DPP6: variants seen among roughly 807,000 people sequenced by gnomAD.
The protein encoded by DPP6 is dipeptidyl peptidase like 6, also known as A-type potassium channel modulatory protein DPP6.
DPP6 carries 69 observed loss-of-function variants against 122.6 expected under a neutral mutation model. That is an observed-to-expected ratio of 0.56 (90% CI 0.46 to 0.69). The LOEUF (loss-of-function observed/expected upper bound fraction) is 0.69. DPP6 is among the 30% of genes least tolerant of loss of function. The pLI is 0.00. For missense variants in DPP6, 928 were observed against 1,116.9 expected (o/e 0.83, Z 2.41); for synonymous variants, 418 against 433.1 (o/e 0.97, Z 0.43).
Position 154,569,632 on chromosome 7 carries a change from T to C in DPP6, c.627+2716T>C, listed in dbSNP as rs140476494. ...TTAAAAAGACTATCATAAAATTGTT[T>C]TAGTGTAAACCAACTGTCCAATTAC... On this transcript the variant is annotated intron_variant, in intron 5 of 25. Transcript: ENST00000377770. 6.2e-4 allele frequency among the ~76,000 whole-genome samples: 95 copies of C among 152,062 alleles called. 1 individual carries two copies. In the East Asian group the frequency reaches 0.017, roughly 27 times the overall value.
At chr7:154,734,629 G>C (rs1368107667) in intron 8 of DPP6, among the ~76,000 whole-genome samples, 1 of 152,194 alleles carries the variant, frequency 6.6e-6, no homozygotes, top group Non-Finnish European at 1.5e-5. Context: ...TGCATGATGG[G>C]AAATGTTTGG....
At chr7:153,895,377 A>G (rs1305020426) in intron 1 of DPP6, among the ~76,000 whole-genome samples, 1 of 152,164 alleles carries the variant, frequency 6.6e-6, no homozygotes, top group Non-Finnish European at 1.5e-5. Flanking sequence ...GGAAATTTGA[A>G]TAGATTGATT....
At chr7:154,847,293 G>A (rs1802017532) in intron 16 of DPP6, among the ~76,000 whole-genome samples, 1 of 152,172 alleles carries the variant, frequency 6.6e-6, no homozygotes, top group South Asian at 2.1e-4. Context: ...TATATGGCAT[G>A]TATATTATTA....
the DPP6 span, among the ~76,000 whole-genome samples, chr7:153,837,837 A>ATTTT: frequency 0.067 from 5,433 of 80,540 alleles, 758 homozygotes; most frequent in African/African-American, 0.21. Context: ...TGCCTGGTTA[A>ATTTT]TTTTTTTTTT....
chr7:153,932,731 T>TAC (rs1801231013), intron 1 of DPP6, among the ~76,000 whole-genome samples: 1 of 152,124 alleles, frequency 6.6e-6, no homozygotes, highest in Non-Finnish European at 1.5e-5. Flanking sequence ...CAATGAACTT[T>TAC]GCACAGGGAT....
chr7:153,884,196 T>G (rs533658043), upstream of DPP6, among the ~76,000 whole-genome samples: 312 of 152,268 alleles, frequency 2.0e-3, 2 homozygotes, highest in South Asian at 3.9e-3. Flanking sequence ...GTGTGTGATG[T>G]TCCCCTTCCT....
chr7:154,204,168 C>A (rs1432699799), intron 1 of DPP6, among the ~76,000 whole-genome samples: 2 of 152,226 alleles, frequency 1.3e-5, no homozygotes, highest in Non-Finnish European at 2.9e-5. Flanking sequence ...TCCACATGAT[C>A]AGTGTCAGGC....
chr7:154,565,665 A>G (rs1267176118), intron 4 of DPP6, among the ~76,000 whole-genome samples: 1 of 152,172 alleles, frequency 6.6e-6, no homozygotes, highest in Non-Finnish European at 1.5e-5. Context: ...AGCTGGGATT[A>G]CAGGCATGCA....
chr7:153,848,238 C>T, the DPP6 span, among the ~76,000 whole-genome samples: 1 of 147,836 alleles, frequency 6.8e-6, no homozygotes, highest in Admixed American at 6.9e-5. Context: ...AACATGGTCG[C>T]CCCCCCACCA....
At chr7:154,339,292 G>T (rs1013872999) in intron 1 of DPP6, among the ~76,000 whole-genome samples, 1 of 152,362 alleles carries the variant, frequency 6.6e-6, no homozygotes, top group East Asian at 1.9e-4. Context: ...AGAGGACAGG[G>T]ACGTGGGGTG....
intron 1 of DPP6, among the ~76,000 whole-genome samples, chr7:154,247,496 TG>T (rs1236761858): frequency 6.6e-6 from 1 of 152,168 alleles, no homozygotes; most frequent in African/African-American, 2.4e-5. Context: ...GCACATGAAA[TG>T]GTGCCTAAAA....
At chr7:154,617,803 C>A (rs773683035) in intron 5 of DPP6, among the ~76,000 whole-genome samples, 3 of 152,080 alleles carry the variant, frequency 2.0e-5, no homozygotes, top group Admixed American at 6.5e-5. Flanking sequence ...AGAGTCCAGG[C>A]CAATGGAAAA....
At chr7:153,960,339 G>A (rs1213320968) in intron 1 of DPP6, among the ~76,000 whole-genome samples, 3 of 151,878 alleles carry the variant, frequency 2.0e-5, no homozygotes, top group South Asian at 4.2e-4. Context: ...CCTTGTGTAC[G>A]CATAATTTTA....
At chr7:154,575,611 ATGTGTGTGTGGTG>A (rs1831601656) in intron 5 of DPP6, among the ~76,000 whole-genome samples, 1 of 60,208 alleles carries the variant, frequency 1.7e-5, no homozygotes, top group African/African-American at 7.3e-5. Context: ...TGGTGTGTGT[ATGTGTGTGTGGTG>A]TGTGTGTGGT....
intron 7 of DPP6, among the ~76,000 whole-genome samples, chr7:154,720,571 G>C (rs1217790901): frequency 1.3e-5 from 2 of 152,204 alleles, no homozygotes; most frequent in Non-Finnish European, 2.9e-5. Flanking sequence ...GAGAGCACAT[G>C]CCCCACTCCA....
chr7:154,699,516 A>C (rs1037020017), intron 7 of DPP6, among the ~76,000 whole-genome samples: 1 of 152,232 alleles, frequency 6.6e-6, no homozygotes, highest in Non-Finnish European at 1.5e-5. Flanking sequence ...ACCTGCTCCT[A>C]TAAAGGCCCC....
intron 1 of DPP6, among the ~76,000 whole-genome samples, chr7:154,070,754 T>C (rs1803058734): frequency 1.3e-5 from 2 of 152,178 alleles, no homozygotes; most frequent in African/African-American, 4.8e-5. Flanking sequence ...ATTTGGTTAA[T>C]TGAAGGTATG....
intron 1 of DPP6, among the ~76,000 whole-genome samples, chr7:153,930,368 C>T (rs1035036263): frequency 2.0e-5 from 3 of 152,188 alleles, no homozygotes; most frequent in African/African-American, 7.2e-5. Context: ...GGGTCATTGT[C>T]TTCATGGAAG....
chr7:154,770,890 A>G (rs563511473), intron 9 of DPP6, among the ~76,000 whole-genome samples: 40 of 152,366 alleles, frequency 2.6e-4, no homozygotes, highest in African/African-American at 9.1e-4. Context: ...CACAGCTCCC[A>G]TGGACACATA....
Sources: gnomAD v4.1 joint callset for allele counts (sites outside exome capture counted in the v4.1 genomes callset) on GRCh38, gnomAD v4.1.1 for gene constraint, MANE v1.5 for transcripts, NCBI Gene and HGNC (gene_info 2026-07-23, HGNC 2026-07-21) for gene names.